The following LRRC37A2 variants were observed in gnomAD, a reference collection of about 807,000 sequenced individuals.
The protein encoded by LRRC37A2 is leucine rich repeat containing 37 member A2.
LRRC37A2 carries 9 observed loss-of-function variants against 68.8 expected under a neutral mutation model. The ratio of observed to expected loss-of-function variants is 0.13; its 90% CI spans 0.08 to 0.23. LRRC37A2 has a LOEUF of 0.23. LRRC37A2 is among the 10% of genes least tolerant of loss of function. LRRC37A2 has a pLI of 1.00. For missense variants in LRRC37A2, 168 were observed against 950.4 expected (o/e 0.18, Z 10.82); for synonymous variants, 63 against 367.6 (o/e 0.17, Z 9.48).
the LRRC37A2 span, among the ~76,000 whole-genome samples, chr17:46,792,893 T>G: frequency 6.6e-6 from 1 of 151,974 alleles, no homozygotes; most frequent in African/African-American, 2.4e-5. Flanking sequence ...ATTTAACGGA[T>G]GATGACATGG....
the LRRC37A2 span, among the ~76,000 whole-genome samples, chr17:46,823,532 C>T: frequency 6.6e-6 from 1 of 151,994 alleles, no homozygotes; most frequent in Non-Finnish European, 1.5e-5. Context: ...TCCACCTCCC[C>T]ATATTCAAGT....
the LRRC37A2 span, among the ~76,000 whole-genome samples, chr17:46,980,118 C>T: frequency 6.7e-6 from 1 of 149,586 alleles, no homozygotes; most frequent in Non-Finnish European, 1.5e-5. Flanking sequence ...CCCAACCTCC[C>T]CACCCCAACC....
chr17:46,958,682 G>A, the LRRC37A2 span, among the ~76,000 whole-genome samples: 1 of 152,228 alleles, frequency 6.6e-6, no homozygotes, highest in African/African-American at 2.4e-5. Context: ...ATGGACAAGA[G>A]TTCTCCCTAG....
chr17:46,931,058 A>G, the LRRC37A2 span: 807 of 1,039,064 alleles, frequency 7.8e-4, 3 homozygotes, highest in East Asian at 0.01. Flanking sequence ...TAAGTTCACT[A>G]TCTCTTTTCC....
the LRRC37A2 span, among the ~76,000 whole-genome samples, chr17:46,973,816 CG>C: frequency 0.017 from 2,535 of 146,354 alleles, 26 homozygotes; most frequent in Non-Finnish European, 0.028. Flanking sequence ...TGCATGCGTG[CG>C]ACACATGTGT....
the LRRC37A2 span, chr17:47,017,532 G>T: frequency 6.3e-7 from 1 of 1,592,786 alleles, no homozygotes; most frequent in South Asian, 1.1e-5. Flanking sequence ...GGACACCTGG[G>T]ATTCAGCTGG....
At chr17:46,846,711 G>C in the LRRC37A2 span, among the ~76,000 whole-genome samples, 2 of 152,324 alleles carry the variant, frequency 1.3e-5, no homozygotes, top group South Asian at 4.1e-4. Context: ...GAATGGCCTT[G>C]AATAGGCAAG....
the LRRC37A2 span, among the ~76,000 whole-genome samples, chr17:46,610,110 T>TCC: frequency 8.2e-6 from 1 of 121,878 alleles, no homozygotes; most frequent in African/African-American, 3.1e-5. Context: ...TCTCTCTCTC[T>TCC]CTCTCTCTCT....
chr17:46,541,594 T>G (rs1396711649), intron 8 of LRRC37A2, among the ~76,000 whole-genome samples: 1 of 150,906 alleles, frequency 6.6e-6, no homozygotes, highest in Non-Finnish European at 1.5e-5. Flanking sequence ...ACCATCCATG[T>G]TGTTGCACCT....
the LRRC37A2 span, among the ~76,000 whole-genome samples, chr17:46,944,656 A>G: frequency 2.7e-5 from 4 of 150,564 alleles, no homozygotes; most frequent in East Asian, 2.0e-4. Context: ...CTGGGGTGCA[A>G]TGGTGCAATC....
At chr17:46,979,134 G>A in the LRRC37A2 span, 2 of 1,051,532 alleles carry the variant, frequency 1.9e-6, no homozygotes, top group Non-Finnish European at 1.2e-6. Context: ...GGGGACGAAG[G>A]CGGGAGGCTG....
the LRRC37A2 span, among the ~76,000 whole-genome samples, chr17:46,766,633 G>C: frequency 1.3e-5 from 2 of 152,096 alleles, no homozygotes; most frequent in East Asian, 3.9e-4. Context: ...CTACACCGAG[G>C]GGCTTCCTAG....
chr17:46,847,622 C>T, the LRRC37A2 span, among the ~76,000 whole-genome samples: 1 of 152,210 alleles, frequency 6.6e-6, no homozygotes, highest in Non-Finnish European at 1.5e-5. Context: ...TCCCCAGGAC[C>T]AGCCCTCCTG....
At chr17:46,776,463 A>G in the LRRC37A2 span, among the ~76,000 whole-genome samples, 4 of 152,164 alleles carry the variant, frequency 2.6e-5, no homozygotes, top group Non-Finnish European at 5.9e-5. Context: ...GCAGGTCTGT[A>G]ATAAAAACTT....
the LRRC37A2 span, chr17:46,818,734 C>T: frequency 2.3e-6 from 2 of 871,442 alleles, no homozygotes; most frequent in South Asian, 1.5e-5. Context: ...CCCGCAGCCG[C>T]CCCCCTCCCG....
chr17:46,833,124 G>A, the LRRC37A2 span: 4 of 356,854 alleles, frequency 1.1e-5, no homozygotes, highest in South Asian at 4.2e-5. Flanking sequence ...TTGACAAAAC[G>A]AGCTCATGGC....
chr17:46,935,142 A>G, the LRRC37A2 span: 1 of 1,614,008 alleles, frequency 6.2e-7, no homozygotes, highest in African/African-American at 1.3e-5. Context: ...TTTTAGATGG[A>G]CTGAGGACCC....
chr17:46,392,477 T>TCTTTC, the LRRC37A2 span, among the ~76,000 whole-genome samples: 12 of 60,610 alleles, frequency 2.0e-4, 1 homozygote, highest in South Asian at 2.1e-3. Flanking sequence ...TTCTTTCCTT[T>TCTTTC]CTTTCTTTCC....
At chr17:47,009,947 G>A in the LRRC37A2 span, among the ~76,000 whole-genome samples, 1 of 152,250 alleles carries the variant, frequency 6.6e-6, no homozygotes, top group Non-Finnish European at 1.5e-5. Flanking sequence ...ATGGTGTTGG[G>A]ATGTTGTGGC....
Sources: allele counts gnomAD v4.1 joint callset (sites outside exome capture counted in the v4.1 genomes callset), GRCh38; gene constraint gnomAD v4.1.1; transcripts MANE v1.5; gene names NCBI Gene and HGNC (gene_info 2026-07-23, HGNC 2026-07-21).